The following EBPL variants were observed in gnomAD, a reference collection of about 807,000 sequenced individuals.
EBPL encodes EBP like.
A neutral mutation model predicts 19.0 loss-of-function variants in EBPL; 20 were observed. That is an observed-to-expected ratio of 1.05 (90% confidence interval 0.74 to 1.53). EBPL has a LOEUF of 1.53. Ranked by LOEUF, EBPL falls within the 40% of genes most tolerant of loss-of-function variation. The pLI is 0.00. For missense variants in EBPL, 219 were observed against 261.1 expected (o/e 0.84, Z 1.11); for synonymous variants, 107 against 117.0 (o/e 0.91, Z 0.55).
chr13:49,666,251 A>T (rs945206238), intron 2 of EBPL, among the ~76,000 whole-genome samples: 1 of 152,166 alleles, frequency 6.6e-6, no homozygotes, highest in Non-Finnish European at 1.5e-5. Context: ...GAAGCCTGCT[A>T]CTGAGGGGAC....
chr13:49,689,715 C>G (rs1050865518), intron 1 of EBPL, among the ~76,000 whole-genome samples: 1 of 152,174 alleles, frequency 6.6e-6, no homozygotes, highest in Admixed American at 6.5e-5. Context: ...ATATGTTACA[C>G]AGTTTTCTCT....
intron 2 of EBPL, among the ~76,000 whole-genome samples, chr13:49,664,224 C>T (rs545674518): frequency 5.3e-5 from 8 of 152,344 alleles, no homozygotes; most frequent in African/African-American, 1.9e-4. Flanking sequence ...TGCACTCCGG[C>T]CTGGGCAACA....
Position 49,671,087 on chromosome 13 carries a change from G to A in EBPL, c.172-1241C>T, listed in dbSNP as rs560034705. On this transcript the variant is annotated intron_variant, in intron 1 of 3. Coordinates refer to ENST00000242827, the MANE Select transcript of EBPL (RefSeq NM_032565.5). ...CACAATTTCTTTCCTTAGGGATCCC[G>A]TATCCTGACTCCTGTGTCATTTAAG... is the stretch of plus-strand genomic sequence containing the variant. 7.9e-5 allele frequency among the ~76,000 whole-genome samples: 12 copies of A among 152,278 alleles called. No individual in the cohort carries two copies. The South Asian group carries it at 1.7e-3, about 21-fold the overall frequency.
chr13:49,663,178 C>G lies in EBPL; in HGVS notation c.259G>C (p.Ala87Pro). 5 of 1,614,192 alleles carry G rather than the reference C, an allele frequency of 3.1e-6. No individual in the cohort carries two copies. The highest frequency in any genetic ancestry group is 4.2e-6 in the Non-Finnish European group (5 of 1,180,020). Residue 87 changes from alanine to proline, a missense_variant, in exon 3 of 4, where the codon GCT becomes CCT. Physicochemically the swap from Ala to Pro is conservative, Grantham distance 27. Transcript: ENST00000242827. ...TCAAAATAAACCCATCTTGCATCAG[C>G]TTTGCCATATTCTTTCCCTAAAGAC... ...IASLWKEYGK[A>P]DARWVYFDPT...
intron 2 of EBPL, among the ~76,000 whole-genome samples, chr13:49,669,563 G>A (rs182135184): frequency 4.0e-5 from 6 of 151,884 alleles, no homozygotes; most frequent in Admixed American, 2.6e-4. Context: ...AAAGAAATCC[G>A]TGCCCATTAG....
At chr13:49,672,424 AG>A (rs1953827520) in intron 1 of EBPL, among the ~76,000 whole-genome samples, 1 of 152,236 alleles carries the variant, frequency 6.6e-6, no homozygotes, top group Admixed American at 6.5e-5. Flanking sequence ...CCTCCTACAC[AG>A]AAACTTGCTC....
chr13:49,681,769 T>A (rs148513474), intron 1 of EBPL, among the ~76,000 whole-genome samples: 229 of 152,334 alleles, frequency 1.5e-3, no homozygotes, highest in African/African-American at 4.9e-3. Context: ...GAAAAAGTCC[T>A]TAAAGAAATA....
chr13:49,661,331 G>A (rs1965145203), intron 3 of EBPL, 123 bp from the exon 4 acceptor site: 2 of 769,070 alleles, frequency 2.6e-6, no homozygotes, highest in South Asian at 1.8e-5. Context: ...TCCTAAGTTG[G>A]GCCTCAGATG....
At chr13:49,669,870 T>A in intron 1 of EBPL, 24 bp from the exon 2 acceptor site, 1 of 1,584,840 alleles carries the variant, frequency 6.3e-7, no homozygotes, top group Non-Finnish European at 8.7e-7. Context: ...AATGAAGACA[T>A]GCTCTAATAC....
intron 1 of EBPL, among the ~76,000 whole-genome samples, chr13:49,684,428 C>T (rs1019634926): frequency 3.3e-5 from 5 of 152,164 alleles, no homozygotes; most frequent in African/African-American, 9.7e-5. Context: ...CCCAGCACTC[C>T]GGGAGGCCGA....
At chr13:49,681,432 A>G (rs1953942049) in intron 1 of EBPL, among the ~76,000 whole-genome samples, 1 of 152,190 alleles carries the variant, frequency 6.6e-6, no homozygotes, top group Non-Finnish European at 1.5e-5. Flanking sequence ...CTGAGATTAC[A>G]GGCACACGCC....
At chr13:49,662,211 T>A (rs944762666) in intron 3 of EBPL, among the ~76,000 whole-genome samples, 8 of 152,296 alleles carry the variant, frequency 5.3e-5, no homozygotes, top group African/African-American at 1.9e-4. Context: ...TTGGCCAGGC[T>A]GGTCCTGAAC....
intron 1 of EBPL, among the ~76,000 whole-genome samples, chr13:49,683,747 C>A (rs957687279): frequency 3.3e-5 from 5 of 152,190 alleles, no homozygotes; most frequent in Non-Finnish European, 7.4e-5. Flanking sequence ...AACTCGCACA[C>A]AATGCTAGTG....
At chr13:49,673,788 G>A (rs1263792309) in intron 1 of EBPL, among the ~76,000 whole-genome samples, 1 of 152,138 alleles carries the variant, frequency 6.6e-6, no homozygotes, top group East Asian at 1.9e-4. Flanking sequence ...TTTAGAAATG[G>A]AGGACATTGT....
At chr13:49,687,063 C>G (rs2137512728) in intron 1 of EBPL, among the ~76,000 whole-genome samples, 1 of 152,328 alleles carries the variant, frequency 6.6e-6, no homozygotes, top group East Asian at 1.9e-4. Flanking sequence ...CCTCGGCCTC[C>G]CAAAGTGCTT....
rs951251791 is a variant in EBPL at position 49,675,879 on chromosome 13, T to A, written c.172-6033A>T. 3.8e-4 allele frequency among the ~76,000 whole-genome samples: 10 copies of A among 26,040 alleles called. No individual in the cohort carries two copies. The Admixed American group carries it at 5.4e-3, about 14-fold the overall frequency. 17.1% of individuals were successfully genotyped at this position (26,040 alleles called of 152,430 possible). The stretch of plus-strand genomic sequence containing the variant: ...TTGTTATTTTCCTTTGTTGTTATTG[T>A]TTTTTTTTTTTTAATAGTACTCATC... On this transcript the variant is annotated intron_variant, in intron 1 of 3. Coordinates refer to ENST00000242827, the MANE Select transcript of EBPL (RefSeq NM_032565.5).
chr13:49,674,300 C>T (rs934532756), intron 1 of EBPL, among the ~76,000 whole-genome samples: 22 of 152,142 alleles, frequency 1.4e-4, no homozygotes, highest in African/African-American at 5.3e-4. Context: ...GATGGGGTTT[C>T]GCCATGTTGG....
chr13:49,675,878 GTTT>G (rs11395508), intron 1 of EBPL, among the ~76,000 whole-genome samples: 1 of 145,986 alleles, frequency 6.8e-6, no homozygotes, highest in Non-Finnish European at 1.5e-5. Flanking sequence ...TGTTGTTATT[GTTT>G]TTTTTTTTTT....
At chr13:49,673,148 G>A (rs1953836303) in intron 1 of EBPL, among the ~76,000 whole-genome samples, 1 of 152,084 alleles carries the variant, frequency 6.6e-6, no homozygotes, top group Non-Finnish European at 1.5e-5. Flanking sequence ...TCGAATACTG[G>A]TGAGGATGTG....
Sources: allele counts gnomAD v4.1 joint callset (sites outside exome capture counted in the v4.1 genomes callset), GRCh38; gene constraint gnomAD v4.1.1; transcripts MANE v1.5; gene names NCBI Gene and HGNC (gene_info 2026-07-23, HGNC 2026-07-21).